The following KCNIP4 variants were observed in gnomAD, a reference collection of about 807,000 sequenced individuals.
The protein encoded by KCNIP4 is potassium voltage-gated channel interacting protein 4, also known as Kv channel-interacting protein 4.
Under a neutral mutation model 34.0 loss-of-function variants are expected in KCNIP4, and 12 were observed. The observed-to-expected ratio is 0.35, with a 90% CI of 0.23 to 0.57. KCNIP4 has a LOEUF of 0.57. KCNIP4 is among the 20% of genes least tolerant of loss of function. The pLI is 0.83. For missense variants in KCNIP4, 238 were observed against 311.7 expected (o/e 0.76, Z 1.78); for synonymous variants, 124 against 102.2 (o/e 1.21, Z -1.29).
chr4:21,752,988 A>AG (rs968266582), intron 1 of KCNIP4, among the ~76,000 whole-genome samples: 72 of 152,220 alleles, frequency 4.7e-4, no homozygotes, highest in Middle Eastern at 6.8e-3. Context: ...CTGCAATTAG[A>AG]GGGTTTTTTT....
chr4:20,893,132 A>G (rs1262557165), intron 1 of KCNIP4, among the ~76,000 whole-genome samples: 4 of 152,248 alleles, frequency 2.6e-5, no homozygotes, highest in Non-Finnish European at 4.4e-5. Flanking sequence ...AGCAACCAGT[A>G]TGGTCTGTTC....
At chr4:21,324,098 A>G (rs960990844) in intron 1 of KCNIP4, among the ~76,000 whole-genome samples, 1 of 151,906 alleles carries the variant, frequency 6.6e-6, no homozygotes, top group Non-Finnish European at 1.5e-5. Flanking sequence ...GTGTATTATC[A>G]GATTTTTTTC....
At chr4:20,816,713 G>T (rs531627793) in intron 3 of KCNIP4, among the ~76,000 whole-genome samples, 1 of 152,254 alleles carries the variant, frequency 6.6e-6, no homozygotes, top group Non-Finnish European at 1.5e-5. Flanking sequence ...TAGAGTTTTT[G>T]CTACCTTGAC....
chr4:21,379,134 G>A (rs1345976644), intron 1 of KCNIP4, among the ~76,000 whole-genome samples: 1 of 151,992 alleles, frequency 6.6e-6, no homozygotes, highest in Non-Finnish European at 1.5e-5. Flanking sequence ...TATTTTTGGT[G>A]TTCTACATTA....
intron 1 of KCNIP4, among the ~76,000 whole-genome samples, chr4:21,450,003 T>C (rs918496577): frequency 1.3e-5 from 2 of 152,158 alleles, no homozygotes; most frequent in African/African-American, 4.8e-5. Flanking sequence ...AATTCAATGG[T>C]AAGTAAGACT....
chr4:21,659,142 A>T (rs965107750), intron 1 of KCNIP4, among the ~76,000 whole-genome samples: 1 of 152,182 alleles, frequency 6.6e-6, no homozygotes, highest in Non-Finnish European at 1.5e-5. Context: ...CTCTGTGTAC[A>T]TTATGTCATT....
At chr4:21,789,929 G>C (rs1250506943) in intron 1 of KCNIP4, among the ~76,000 whole-genome samples, 2 of 152,148 alleles carry the variant, frequency 1.3e-5, no homozygotes, top group Non-Finnish European at 2.9e-5. Flanking sequence ...AAATTGATTT[G>C]AATAGGAACC....
intron 1 of KCNIP4, among the ~76,000 whole-genome samples, chr4:21,917,353 T>C (rs1391120835): frequency 2.0e-5 from 3 of 152,076 alleles, no homozygotes; most frequent in Non-Finnish European, 4.4e-5. Flanking sequence ...GCCAGACTGG[T>C]CTCAAACTCC....
At chr4:21,333,391 A>G (rs1270836699) in intron 1 of KCNIP4, among the ~76,000 whole-genome samples, 2 of 151,652 alleles carry the variant, frequency 1.3e-5, no homozygotes, top group Non-Finnish European at 2.9e-5. Flanking sequence ...TTAAAAAAAA[A>G]TCAGTAAGCC....
chr4:20,984,176 C>T, intron 1 of KCNIP4: 1 of 509,632 alleles, frequency 2.0e-6, no homozygotes, highest in Non-Finnish European at 3.5e-6. Flanking sequence ...AGCGCACGGA[C>T]CTCTCCACTC....
chr4:21,050,298 C>T (rs1742807702), intron 1 of KCNIP4, among the ~76,000 whole-genome samples: 1 of 152,040 alleles, frequency 6.6e-6, no homozygotes, highest in Admixed American at 6.6e-5. Flanking sequence ...TAACTAAATG[C>T]TGCAATAGGT....
At chr4:21,387,025 A>G (rs1369909143) in intron 1 of KCNIP4, among the ~76,000 whole-genome samples, 2 of 152,192 alleles carry the variant, frequency 1.3e-5, no homozygotes, top group Non-Finnish European at 2.9e-5. Context: ...GGAGGTGAAG[A>G]TAGAAACTGC....
intron 1 of KCNIP4, among the ~76,000 whole-genome samples, chr4:20,976,810 T>A (rs747493430): frequency 2.9e-4 from 44 of 152,242 alleles, no homozygotes; most frequent in Non-Finnish European, 4.4e-4. Flanking sequence ...TATAATCATG[T>A]TTGAACAGAA....
At chr4:21,146,113 A>T (rs144283295) in intron 1 of KCNIP4, among the ~76,000 whole-genome samples, 86 of 152,178 alleles carry the variant, frequency 5.7e-4, no homozygotes, top group African/African-American at 1.9e-3. Context: ...AAAGTGGGAG[A>T]CTCGGCCGGG....
At chr4:21,193,634 C>T (rs1036685767) in intron 1 of KCNIP4, among the ~76,000 whole-genome samples, 2 of 137,742 alleles carry the variant, frequency 1.5e-5, no homozygotes, top group African/African-American at 5.8e-5. Context: ...TGCAGTGGCG[C>T]AATCTGGGCT....
At chr4:21,940,282 C>A (rs2109018603) in intron 1 of KCNIP4, among the ~76,000 whole-genome samples, 1 of 152,212 alleles carries the variant, frequency 6.6e-6, no homozygotes, top group South Asian at 2.1e-4. Context: ...CCCACTTCTT[C>A]TCATAGCTTT....
At chr4:21,541,929 C>A (rs946942263) in intron 1 of KCNIP4, among the ~76,000 whole-genome samples, 1 of 152,124 alleles carries the variant, frequency 6.6e-6, no homozygotes, top group Non-Finnish European at 1.5e-5. Flanking sequence ...AGGCATGAGC[C>A]ACCAAGCCCC....
At chr4:21,381,874 C>T (rs543443691) in intron 1 of KCNIP4, among the ~76,000 whole-genome samples, 46 of 152,194 alleles carry the variant, frequency 3.0e-4, no homozygotes, top group Non-Finnish European at 4.9e-4. Context: ...CGCAAAGAGA[C>T]CCAGTAACTC....
At chr4:21,520,770 C>T (rs1303780964) in intron 1 of KCNIP4, among the ~76,000 whole-genome samples, 1 of 152,052 alleles carries the variant, frequency 6.6e-6, no homozygotes, top group Non-Finnish European at 1.5e-5. Context: ...TTTAGGAAAA[C>T]ATTTCTACCA....
Sources: gnomAD v4.1 joint callset for allele counts (sites outside exome capture counted in the v4.1 genomes callset) on GRCh38, gnomAD v4.1.1 for gene constraint, MANE v1.5 for transcripts, NCBI Gene and HGNC (gene_info 2026-07-23, HGNC 2026-07-21) for gene names.